ZYG11A: variants seen among roughly 807,000 people sequenced by gnomAD.
The protein encoded by ZYG11A is protein zyg-11 homolog A.
A neutral mutation model predicts 77.2 loss-of-function variants in ZYG11A; 62 were observed. The ratio of observed to expected loss-of-function variants is 0.80; its 90% CI spans 0.65 to 0.99. The LOEUF is 0.99. Among genes scored for constraint, ZYG11A ranks in the 50% least tolerant of loss-of-function variants. ZYG11A has a pLI of 0.00. For missense variants in ZYG11A, 828 were observed against 896.8 expected (o/e 0.92, Z 0.98); for synonymous variants, 315 against 324.6 (o/e 0.97, Z 0.32).
intron 1 of ZYG11A, among the ~76,000 whole-genome samples, chr1:52,851,794 T>C (rs1033518767): frequency 6.6e-6 from 1 of 151,666 alleles, no homozygotes; most frequent in African/African-American, 2.4e-5. Context: ...GTTGCCCAGG[T>C]TGGAGTGCAG....
intron 2 of ZYG11A, 23 bp from the exon 3 acceptor site, chr1:52,856,975 A>C (rs1645824000): frequency 6.7e-7 from 1 of 1,503,686 alleles, no homozygotes; most frequent in African/African-American, 1.4e-5. Context: ...TGTCATTACA[A>C]GTTGGTTCTG....
chr1:52,879,507 G>T (rs1414391728), intron 10 of ZYG11A, among the ~76,000 whole-genome samples: 1 of 152,148 alleles, frequency 6.6e-6, no homozygotes, highest in East Asian at 1.9e-4. Flanking sequence ...TGGAAATCTG[G>T]AAGGTACGGA....
chr1:52,862,274 C>G (rs1386694255), intron 4 of ZYG11A, among the ~76,000 whole-genome samples: 1 of 150,284 alleles, frequency 6.7e-6, no homozygotes, highest in Admixed American at 6.6e-5. Context: ...ACTTGGGTGA[C>G]TGAGATTGGA....
chr1:52,872,627 TC>T (rs2150010992), intron 8 of ZYG11A, among the ~76,000 whole-genome samples: 1 of 150,888 alleles, frequency 6.6e-6, no homozygotes, highest in South Asian at 2.1e-4. Context: ...ACGCCTGCAA[TC>T]CCAGCATTTT....
chr1:52,849,958 A>G (rs1645676733), intron 1 of ZYG11A, among the ~76,000 whole-genome samples: 2 of 152,172 alleles, frequency 1.3e-5, no homozygotes, highest in African/African-American at 4.8e-5. Flanking sequence ...TGCTGGGATT[A>G]CAGGCGTGAG....
At chr1:52,858,841 C>T (rs1275715324) in intron 3 of ZYG11A, among the ~76,000 whole-genome samples, 1 of 150,802 alleles carries the variant, frequency 6.6e-6, no homozygotes, top group Non-Finnish European at 1.5e-5. Flanking sequence ...CTCGAACTCC[C>T]AGACCTCAGG....
At chr1:52,889,941 C>T (rs980426370) in intron 13 of ZYG11A, among the ~76,000 whole-genome samples, 6 of 151,464 alleles carry the variant, frequency 4.0e-5, no homozygotes, top group South Asian at 2.1e-4. Context: ...TCTCGATCTC[C>T]GGACCTCATG....
chr1:52,869,551 AG>A (rs961624475), intron 8 of ZYG11A, among the ~76,000 whole-genome samples: 2 of 151,924 alleles, frequency 1.3e-5, no homozygotes, highest in African/African-American at 2.4e-5. Flanking sequence ...CAGAGAGCAC[AG>A]GGTTGGGGGT....
At chr1:52,862,300 A>G (rs565781630) in intron 4 of ZYG11A, among the ~76,000 whole-genome samples, 364 of 149,514 alleles carry the variant, frequency 2.4e-3, no homozygotes, top group Non-Finnish European at 4.2e-3. Context: ...ACGTGAGCCC[A>G]GGATTTTTTT....
intron 3 of ZYG11A, among the ~76,000 whole-genome samples, chr1:52,858,276 G>T (rs551518983): frequency 6.7e-6 from 1 of 149,936 alleles, no homozygotes; most frequent in Non-Finnish European, 1.5e-5. Context: ...GGCGCCTGTA[G>T]TCCCAGCTAC....
chr1:52,878,262 T>C (rs1022630841), intron 10 of ZYG11A, among the ~76,000 whole-genome samples: 2 of 152,194 alleles, frequency 1.3e-5, no homozygotes, highest in African/African-American at 4.8e-5. Flanking sequence ...TGGTCTCATG[T>C]GGGGTCACTT....
At chr1:52,878,147 C>T (rs2150015246) in intron 10 of ZYG11A, among the ~76,000 whole-genome samples, 178 bp downstream of exon 10, 1 of 152,298 alleles carries the variant, frequency 6.6e-6, no homozygotes, top group Non-Finnish European at 1.5e-5. Flanking sequence ...TTGTTGTGAA[C>T]AAACTATAGC....
rs367567267 is a variant in ZYG11A at position 52,843,768 on chromosome 1, C to T, written c.90+795C>T. ...GTGGCGCGATCTGGGCCCACTGCAA[C>T]CTCCGCCTCCGGGGTTCAAGCGATT... On this transcript the variant is annotated intron_variant, in intron 1 of 13. Coordinates refer to ENST00000371528, the MANE Select transcript of ZYG11A (RefSeq NM_001004339.3). 4.0e-5 allele frequency among the ~76,000 whole-genome samples: 6 copies of T among 149,958 alleles called. No homozygotes were observed. The East Asian group carries it at 9.9e-4, about 25-fold the overall frequency.
At chr1:52,859,174 AT>A (rs1184690474) in intron 3 of ZYG11A, among the ~76,000 whole-genome samples, 1 of 151,056 alleles carries the variant, frequency 6.6e-6, no homozygotes, top group East Asian at 1.9e-4. Flanking sequence ...AGATCCCCAA[AT>A]TTTTTTTGGG....
intron 8 of ZYG11A, among the ~76,000 whole-genome samples, chr1:52,872,338 A>G (rs184943916): frequency 6.6e-6 from 1 of 152,152 alleles, no homozygotes; most frequent in African/African-American, 2.4e-5. Context: ...TCCTGACCTC[A>G]GGTAATCCAC....
At chr1:52,846,359 TA>T (rs1645584069) in intron 1 of ZYG11A, among the ~76,000 whole-genome samples, 1 of 93,122 alleles carries the variant, frequency 1.1e-5, no homozygotes, top group Non-Finnish European at 2.1e-5. Context: ...TATATATATA[TA>T]TATATATTTT....
chr1:52,876,203 T>TA (rs1244831271), intron 8 of ZYG11A, among the ~76,000 whole-genome samples: 3 of 152,278 alleles, frequency 2.0e-5, no homozygotes, highest in African/African-American at 7.2e-5. Flanking sequence ...TATTGACAAA[T>TA]ACGGTTAAGT....
At chr1:52,861,944 C>T (rs114808073) in intron 4 of ZYG11A, among the ~76,000 whole-genome samples, 1 of 152,012 alleles carries the variant, frequency 6.6e-6, no homozygotes, top group Non-Finnish European at 1.5e-5. Flanking sequence ...CACCATGGCT[C>T]ACGCCTGTAA....
chr1:52,878,088 T>A, intron 10 of ZYG11A, 119 bp downstream of exon 10: 1 of 813,406 alleles, frequency 1.2e-6, no homozygotes. Context: ...ACTCATTTAA[T>A]CTTTACATTA....
Sources: gnomAD v4.1 joint callset for allele counts (sites outside exome capture counted in the v4.1 genomes callset) on GRCh38, gnomAD v4.1.1 for gene constraint, MANE v1.5 for transcripts, NCBI Gene and HGNC (gene_info 2026-07-23, HGNC 2026-07-21) for gene names.